Variants in COL6A5 observed in about 807,000 individuals in gnomAD.
The protein encoded by COL6A5 is collagen type VI alpha 5 chain.
In COL6A5, 48 loss-of-function variants were observed where a neutral mutation model predicts 65.6. That is an observed-to-expected ratio of 0.73 (90% CI 0.58 to 0.93). The LOEUF (loss-of-function observed/expected upper bound fraction) is 0.93, where lower values mean the gene tolerates loss of function less well. COL6A5 is among the 40% of genes least tolerant of loss of function. The pLI is 0.00. For synonymous variants in COL6A5, 291 were observed against 322.8 expected, an observed-to-expected ratio of 0.90 and a Z score of 1.05; for missense variants, 914 against 928.3, an observed-to-expected ratio of 0.98 and a Z score of 0.20.
At chr3:130,442,734 G>A (rs1248379912) in intron 3 of COL6A5, among the ~76,000 whole-genome samples, 4 of 152,106 alleles carry the variant, frequency 2.6e-5, no homozygotes, top group Non-Finnish European at 4.4e-5. Flanking sequence ...AGTGTCAGAT[G>A]CAATTAATCA....
chr3:130,426,396 A>T lies in COL6A5; in HGVS notation c.5229A>T (p.Glu1743Asp), dbSNP rs990171423. The change falls in exon 31 of 42, where the codon GAA becomes GAT. Residue 1743 changes from glutamate to aspartate, a missense_variant and NMD_transcript_variant. Glu to Asp is a conservative substitution (Grantham distance 45). Coordinates refer to the COL6A5 transcript ENST00000312481. ...GTGATCTGATCCGGTTTTTGCGGGA[A>T]CATAGTCGTGAGTATCTGTTACGGA... is the stretch of plus-strand genomic sequence containing the variant. The T allele has an allele frequency of 1.9e-6, 3 of 1,551,066 alleles. No homozygotes were observed. The African/African-American group carries it at 4.1e-5, about 21-fold the overall frequency.
chr3:130,395,031 G>A (rs771310088), exon 8 of COL6A5: 2 of 1,551,498 alleles, frequency 1.3e-6, no homozygotes, highest in Non-Finnish European at 1.7e-6. Flanking sequence ...ATGAAAATTG[G>A]TATGGCTCAA....
At chr3:130,472,665 A>C (rs1709982421) in intron 7 of COL6A5, among the ~76,000 whole-genome samples, 1 of 151,792 alleles carries the variant, frequency 6.6e-6, no homozygotes, top group Non-Finnish European at 1.5e-5. Context: ...TTAACCAAAA[A>C]TCATGTACTA....
chr3:130,433,875 C>G (rs975238533), intron 1 of COL6A5, among the ~76,000 whole-genome samples: 12 of 151,926 alleles, frequency 7.9e-5, no homozygotes, highest in African/African-American at 2.7e-4. Flanking sequence ...CACCTCACAT[C>G]CCTTGTATCC....
intron 5 of COL6A5, among the ~76,000 whole-genome samples, chr3:130,467,319 G>T (rs1709840543): frequency 6.6e-6 from 1 of 151,906 alleles, no homozygotes. Flanking sequence ...GAAGGAATAA[G>T]ATCTAGTGTT....
At chr3:130,432,605 A>T (rs1375227804) in intron 1 of COL6A5, among the ~76,000 whole-genome samples, 1 of 151,702 alleles carries the variant, frequency 6.6e-6, no homozygotes, top group Non-Finnish European at 1.5e-5. Flanking sequence ...TTAACTATAT[A>T]CCACTACTAA....
intron 7 of COL6A5, chr3:130,476,977 C>T: frequency 2.3e-6 from 2 of 887,574 alleles, no homozygotes; most frequent in Non-Finnish European, 1.8e-6. Flanking sequence ...TTGTCTTTTT[C>T]TTGCACTCAT....
intron 4 of COL6A5, among the ~76,000 whole-genome samples, chr3:130,380,891 G>T (rs991542034): frequency 5.3e-5 from 8 of 152,100 alleles, no homozygotes; most frequent in Non-Finnish European, 1.0e-4. Context: ...GAGCTAGTCT[G>T]ATACACCACA....
intron 1 of COL6A5, among the ~76,000 whole-genome samples, chr3:130,362,819 C>T (rs1935192072): frequency 6.6e-6 from 1 of 152,126 alleles, no homozygotes; most frequent in African/African-American, 2.4e-5. Context: ...CTGAAGTTTT[C>T]TCTGTCTGAA....
chr3:130,397,738 G>A (rs1358937915), exon 9 of COL6A5: 1 of 1,551,570 alleles, frequency 6.4e-7, no homozygotes, highest in African/African-American at 1.4e-5. Context: ...TGGCACAGAG[G>A]CACAGGTGAG....
chr3:130,359,816 T>G (rs1935049916), intron 1 of COL6A5, among the ~76,000 whole-genome samples: 1 of 152,130 alleles, frequency 6.6e-6, no homozygotes, highest in Non-Finnish European at 1.5e-5. Flanking sequence ...AAGCCTGAAA[T>G]ATTTACTTAC....
At chr3:130,377,360 T>G (rs1935824346) in intron 3 of COL6A5, among the ~76,000 whole-genome samples, 1 of 152,238 alleles carries the variant, frequency 6.6e-6, no homozygotes, top group South Asian at 2.1e-4. Context: ...GATAAAGAAA[T>G]AGGATCACTG....
At chr3:130,352,132 G>A (rs1398259523) in intron 1 of COL6A5, among the ~76,000 whole-genome samples, 1 of 152,142 alleles carries the variant, frequency 6.6e-6, no homozygotes, top group Non-Finnish European at 1.5e-5. Context: ...ACAGGGCGGG[G>A]AACATCACAC....
intron 18 of COL6A5, among the ~76,000 whole-genome samples, chr3:130,409,679 G>C (rs1259133642): frequency 6.6e-6 from 1 of 152,148 alleles, no homozygotes; most frequent in Non-Finnish European, 1.5e-5. Context: ...ACTATTTGCA[G>C]ACTTAGTTAC....
At chr3:130,388,712 C>T in exon 6 of COL6A5, 2 of 1,551,252 alleles carry the variant, frequency 1.3e-6, no homozygotes, top group Non-Finnish European at 1.7e-6. Context: ...GCAGACAAAA[C>T]CCAGATTGGT....
At chr3:130,460,114 C>T (rs1277422013) in intron 5 of COL6A5, among the ~76,000 whole-genome samples, 1 of 152,094 alleles carries the variant, frequency 6.6e-6, no homozygotes, top group Non-Finnish European at 1.5e-5. Context: ...GAATAAAATG[C>T]AGCAGTATTG....
At chr3:130,431,256 C>G, upstream of COL6A5, 1 of 699,416 alleles carries the variant, frequency 1.4e-6, no homozygotes, top group Middle Eastern at 2.3e-4. Flanking sequence ...ATTATATAGC[C>G]AAATATTCAT....
At position 130,414,592 on chromosome 3, in the gene COL6A5, G is replaced by T. The variant is rs75382450; in HGVS notation, c.4761+461G>T. Among the ~76,000 whole-genome samples, 1,144 of 152,206 alleles carry T rather than the reference G, an allele frequency of 7.5e-3. 17 individuals are homozygous for T. The highest frequency in any genetic ancestry group is 0.025 in the African/African-American group (1,043 of 41,544). On this transcript the variant is annotated intron_variant and NMD_transcript_variant, in intron 22 of 41. Coordinates refer to the COL6A5 transcript ENST00000312481. ...TGATAGGGCTTTCTGTGAGCCATTTGCATCTTTCATGGTCATATCATTAGT... is the reference window on the plus strand; with the variant it reads ...TGATAGGGCTTTCTGTGAGCCATTTTCATCTTTCATGGTCATATCATTAGT...
intron 7 of COL6A5, chr3:130,477,003 G>C: frequency 9.5e-7 from 1 of 1,053,470 alleles, no homozygotes; most frequent in Non-Finnish European, 1.4e-6. Context: ...CTTAATGACT[G>C]AGAATCACTG....
Sources: allele counts gnomAD v4.1 joint callset (sites outside exome capture counted in the v4.1 genomes callset), GRCh38; gene constraint gnomAD v4.1.1; transcripts MANE v1.5; gene names NCBI Gene and HGNC (gene_info 2026-07-23, HGNC 2026-07-21).